The following WIPF1 variants were observed in gnomAD, a reference collection of about 807,000 sequenced individuals.
WIPF1 encodes WAS/WASL-interacting protein family member 1.
Under a neutral mutation model 35.4 loss-of-function variants are expected in WIPF1, and 13 were observed. That is an observed-to-expected ratio of 0.37 (90% confidence interval 0.24 to 0.58). The LOEUF (loss-of-function observed/expected upper bound fraction) is 0.58, where lower values mean the gene tolerates loss of function less well. WIPF1 is among the 20% of genes least tolerant of loss of function. WIPF1 has a pLI of 0.74. For synonymous variants in WIPF1, 267 were observed against 266.3 expected (o/e 1.00, Z -0.02); for missense variants, 591 against 667.0 (o/e 0.89, Z 1.25).
intron 1 of WIPF1, among the ~76,000 whole-genome samples, chr2:174,634,863 G>A (rs1172400873): frequency 6.6e-6 from 1 of 152,182 alleles, no homozygotes; most frequent in Non-Finnish European, 1.5e-5. Context: ...TTGAGCCCCA[G>A]GGTCACCTAT....
At chr2:174,631,579 T>C (rs1687023143) in intron 1 of WIPF1, among the ~76,000 whole-genome samples, 1 of 152,216 alleles carries the variant, frequency 6.6e-6, no homozygotes, top group African/African-American at 2.4e-5. Flanking sequence ...TGTATCTTAA[T>C]GGTTAAGATG....
chr2:174,672,066 C>A (rs1172435774), intron 1 of WIPF1, among the ~76,000 whole-genome samples: 1 of 152,066 alleles, frequency 6.6e-6, no homozygotes, highest in African/African-American at 2.4e-5. Context: ...ATGATGTCTC[C>A]CCCAGATACC....
intron 1 of WIPF1, among the ~76,000 whole-genome samples, chr2:174,621,730 A>G (rs1338082537): frequency 6.6e-6 from 1 of 152,182 alleles, no homozygotes; most frequent in Admixed American, 6.5e-5. Context: ...ATTACTAACG[A>G]GATATTTTAT....
chr2:174,647,427 G>A (rs1334415463), intron 1 of WIPF1, among the ~76,000 whole-genome samples: 1 of 151,570 alleles, frequency 6.6e-6, no homozygotes, highest in Non-Finnish European at 1.5e-5. Context: ...AGGCTGGAAT[G>A]CAATGGCGCG....
chr2:174,649,074 T>C (rs185498922), intron 1 of WIPF1, among the ~76,000 whole-genome samples: 7 of 152,288 alleles, frequency 4.6e-5, no homozygotes, highest in African/African-American at 1.2e-4. Context: ...CCACTCCTCA[T>C]AGTGAACGTG....
At position 174,571,876 on chromosome 2, in the gene WIPF1, G is replaced by C. The variant is rs909498834; in HGVS notation, c.929C>G (p.Pro310Arg). The C allele has an allele frequency of 6.2e-7, 1 of 1,613,180 alleles. No homozygotes were observed. Among genetic ancestry groups the C allele is most frequent in the East Asian group, 2.2e-5 (1 of 44,832 alleles). ...CGGCCCGGGCCTGCTGGGAGGTGGC[G>C]GCGGAGGTGGGGCCTGTGAGGAGGC... ...PSASSQAPPP[P>R]PPPSRPGPPP... is the part of the protein sequence containing the mutation. Residue 310 changes from proline (P) to arginine (R), a missense_variant, in exon 5 of 8, where the codon CCG (proline) becomes CGG (arginine). This residue lies in a region of WIPF1 where 471 missense variants were observed against 501.1 expected (regional missense o/e 0.94). Transcript: ENST00000679041. The surrounding 1 kb of genome is among the most constrained non-coding windows in gnomAD (Gnocchi z 4.6).
At chr2:174,679,373 C>T (rs1035108370) in intron 1 of WIPF1, among the ~76,000 whole-genome samples, 7 of 151,266 alleles carry the variant, frequency 4.6e-5, no homozygotes, top group Non-Finnish European at 1.0e-4. Context: ...GAGGCTGAGG[C>T]AGAAGAATCA....
At chr2:174,643,928 C>G (rs1271536700) in intron 1 of WIPF1, among the ~76,000 whole-genome samples, 1 of 151,960 alleles carries the variant, frequency 6.6e-6, no homozygotes, top group African/African-American at 2.4e-5. Context: ...TTCATCCTTT[C>G]TGTGTTATTT....
chr2:174,624,042 A>G (rs922438963), intron 1 of WIPF1, among the ~76,000 whole-genome samples: 1 of 152,108 alleles, frequency 6.6e-6, no homozygotes, highest in Non-Finnish European at 1.5e-5. Flanking sequence ...AAAAAAAAAC[A>G]TGTGGTACTG....
intron 1 of WIPF1, among the ~76,000 whole-genome samples, chr2:174,640,728 A>G (rs1315794430): frequency 2.0e-5 from 3 of 151,842 alleles, no homozygotes; most frequent in South Asian, 2.1e-4. Context: ...CGTCATTTAC[A>G]TAAGGTATAT....
rs564995689 is a variant in WIPF1 at position 174,631,181 on chromosome 2, G to A, written c.-38-45570C>T. Reference sequence around the variant, plus strand: ...TATGTGCAAACCCACGTTCATAGCAGCATTAGTCACAACAGCGAAAAAGTA... The same window carrying A: ...TATGTGCAAACCCACGTTCATAGCAACATTAGTCACAACAGCGAAAAAGTA... On this transcript the variant is annotated intron_variant, in intron 1 of 8. Coordinates refer to the WIPF1 transcript ENST00000272746. Among the ~76,000 whole-genome samples, 5 of 152,250 alleles carry A rather than the reference G, an allele frequency of 3.3e-5. No homozygotes were observed. In the South Asian group the frequency reaches 1.0e-3, roughly 32 times the overall value.
At chr2:174,592,918 T>C (rs969627289) in intron 1 of WIPF1, among the ~76,000 whole-genome samples, 2 of 152,330 alleles carry the variant, frequency 1.3e-5, no homozygotes, top group Admixed American at 6.5e-5. Context: ...ATTTATATTT[T>C]ACTTTATATA....
chr2:174,635,784 CTG>C (rs892559791), intron 1 of WIPF1, among the ~76,000 whole-genome samples: 1 of 152,014 alleles, frequency 6.6e-6, no homozygotes, highest in African/African-American at 2.4e-5. Flanking sequence ...AGAAAGGTAA[CTG>C]TAGACATATT....
At chr2:174,585,438 A>G (rs1685380044) in intron 2 of WIPF1, 85 bp downstream of exon 2, 1 of 1,374,876 alleles carries the variant, frequency 7.3e-7, no homozygotes, top group Non-Finnish European at 1.0e-6. Context: ...ATGCAAACAC[A>G]TTTAATACAA....
At chr2:174,567,494 A>C (rs566363167) in intron 6 of WIPF1, among the ~76,000 whole-genome samples, 25 of 152,374 alleles carry the variant, frequency 1.6e-4, no homozygotes, top group African/African-American at 5.5e-4. Flanking sequence ...AGAGATAGGC[A>C]ACTTAGTATC....
chr2:174,574,837 C>A, intron 4 of WIPF1: 1 of 716,460 alleles, frequency 1.4e-6, no homozygotes, highest in Non-Finnish European at 2.6e-6. Flanking sequence ...TACTAGACAG[C>A]TGGGCTACCT....
chr2:174,635,427 T>C (rs768323573), intron 1 of WIPF1, among the ~76,000 whole-genome samples: 2 of 151,790 alleles, frequency 1.3e-5, no homozygotes, highest in Non-Finnish European at 2.9e-5. Flanking sequence ...CTCTGCCCTG[T>C]ACAGCTAGAG....
intron 1 of WIPF1, 131 bp from the exon 2 acceptor site, chr2:174,585,742 A>G: frequency 1.5e-6 from 1 of 671,038 alleles, no homozygotes; most frequent in East Asian, 2.8e-5. Context: ...TTACCTTTAC[A>G]CCTCACTGCT....
intron 5 of WIPF1, chr2:174,570,587 G>A (rs1157153207): frequency 6.6e-6 from 1 of 151,792 alleles, no homozygotes; most frequent in Non-Finnish European, 1.5e-5. Flanking sequence ...TAATCACCAG[G>A]GAGCTTTTAA....
Sources: gnomAD v4.1 joint callset for allele counts (sites outside exome capture counted in the v4.1 genomes callset) on GRCh38, gnomAD v4.1.1 for gene constraint, gnomAD v4.1.1 regional missense constraint, Gnocchi (gnomAD v3.1) non-coding constraint, MANE v1.5 for transcripts, NCBI Gene and HGNC (gene_info 2026-07-23, HGNC 2026-07-21) for gene names.